PITPNM2: variants seen among roughly 807,000 people sequenced by gnomAD.
The protein encoded by PITPNM2 is membrane-associated phosphatidylinositol transfer protein 2.
In PITPNM2, 35 loss-of-function variants were observed where a neutral mutation model predicts 132.2. The observed-to-expected ratio is 0.26, with a 90% CI of 0.20 to 0.35. PITPNM2 has a LOEUF of 0.35. Ranked by LOEUF, PITPNM2 falls within the 10% of genes least tolerant of loss-of-function variation. The pLI, the probability that PITPNM2 is intolerant of heterozygous loss-of-function variation, is 1.00. For synonymous variants in PITPNM2, 738 were observed against 799.2 expected, an observed-to-expected ratio of 0.92 and a Z score of 1.29; for missense variants, 1,332 against 1,912.0, an observed-to-expected ratio of 0.70 and a Z score of 5.66.
At chr12:123,037,376 G>A (rs1454528852) in intron 2 of PITPNM2, among the ~76,000 whole-genome samples, 3 of 152,216 alleles carry the variant, frequency 2.0e-5, no homozygotes, top group African/African-American at 4.8e-5. Flanking sequence ...GCTTCTTCAC[G>A]TGGTTCTTCA....
intron 1 of PITPNM2, among the ~76,000 whole-genome samples, chr12:123,127,278 G>A (rs1470904242): frequency 6.6e-6 from 1 of 152,196 alleles, no homozygotes; most frequent in Admixed American, 6.5e-5. Context: ...TGGGAGTCCA[G>A]GTCGCAGGGG....
At chr12:123,035,732 A>G (rs1443334419) in intron 2 of PITPNM2, among the ~76,000 whole-genome samples, 1 of 151,934 alleles carries the variant, frequency 6.6e-6, no homozygotes. Context: ...AAATGAAATC[A>G]CCCCTTAAAA....
chr12:123,129,450 G>C (rs1378995897), intron 1 of PITPNM2, among the ~76,000 whole-genome samples: 1 of 150,070 alleles, frequency 6.7e-6, no homozygotes, highest in Non-Finnish European at 1.5e-5. Context: ...GGTGCCTGTA[G>C]TCTCAGCTAC....
chr12:123,034,276 T>C, intron 3 of PITPNM2: 1 of 515,890 alleles, frequency 1.9e-6, no homozygotes, highest in East Asian at 2.9e-5. Flanking sequence ...AGTGTTCGCG[T>C]TGTAGGCGGC....
chr12:123,136,289 G>A (rs1434117527), intron 1 of PITPNM2, among the ~76,000 whole-genome samples: 4 of 151,244 alleles, frequency 2.6e-5, no homozygotes, highest in East Asian at 3.9e-4. Context: ...GCAACAGAGC[G>A]AGACTCTGTC....
At chr12:123,046,525 C>A (rs1016712582) in intron 2 of PITPNM2, among the ~76,000 whole-genome samples, 4 of 152,140 alleles carry the variant, frequency 2.6e-5, no homozygotes, top group African/African-American at 9.7e-5. Context: ...AACCATCACC[C>A]CTATCTAATT....
chr12:123,137,143 G>T (rs997074202), intron 1 of PITPNM2, among the ~76,000 whole-genome samples: 1 of 152,144 alleles, frequency 6.6e-6, no homozygotes, highest in African/African-American at 2.4e-5. Flanking sequence ...CATCCTCCTG[G>T]ATTCATTTCC....
chr12:123,028,247 C>G (rs1450549871), intron 3 of PITPNM2, among the ~76,000 whole-genome samples: 2 of 152,216 alleles, frequency 1.3e-5, no homozygotes, highest in African/African-American at 2.4e-5. Flanking sequence ...GTTTTCTCAC[C>G]TTTAACACGG....
At chr12:123,021,324 G>C (rs2039663992) in intron 3 of PITPNM2, among the ~76,000 whole-genome samples, 1 of 152,124 alleles carries the variant, frequency 6.6e-6, no homozygotes, top group African/African-American at 2.4e-5. Flanking sequence ...CACCTGCTGA[G>C]AATTTCAGTT....
chr12:123,003,092 A>G (rs1230718779), intron 8 of PITPNM2, among the ~76,000 whole-genome samples: 1 of 152,210 alleles, frequency 6.6e-6, no homozygotes, highest in East Asian at 1.9e-4. Flanking sequence ...ACTAGAACTC[A>G]TTCCTCCTAT....
At chr12:123,016,708 C>T (rs2039440654) in intron 3 of PITPNM2, among the ~76,000 whole-genome samples, 1 of 152,216 alleles carries the variant, frequency 6.6e-6, no homozygotes, top group South Asian at 2.1e-4. Flanking sequence ...AACTGGAACC[C>T]TATTGGTGGG....
At chr12:123,044,477 T>C (rs185271943) in intron 2 of PITPNM2, among the ~76,000 whole-genome samples, 18 of 152,326 alleles carry the variant, frequency 1.2e-4, no homozygotes, top group African/African-American at 4.1e-4. Context: ...CTCAGCTCAA[T>C]CAATTCTCCA....
Position 123,117,199 on chromosome 12 carries a change from C to T in PITPNM2, c.-199-6711G>A, listed in dbSNP as rs2042950060. ...TGAGTCTTAGGAAGAGAGTAGTCTT[C>T]CACTCCCAATATCCCAATGGAGTGA... On this transcript the variant is annotated intron_variant, in intron 1 of 25. Coordinates refer to ENST00000320201, the MANE Select transcript of PITPNM2 (RefSeq NM_020845.3). The surrounding 1 kb of genome is among the most constrained non-coding windows in gnomAD (Gnocchi z 4.7). 6.6e-6 allele frequency among the ~76,000 whole-genome samples: 1 copy of T among 152,134 alleles called. No homozygotes were observed. The highest frequency in any genetic ancestry group is 2.1e-4 in the South Asian group (1 of 4,828).
At chr12:123,034,486 A>C in intron 3 of PITPNM2, 27 bp downstream of exon 3, 2 of 1,588,098 alleles carry the variant, frequency 1.3e-6, no homozygotes, top group African/African-American at 1.3e-5. Context: ...CCCTCACCCC[A>C]TGACCCACCC....
At chr12:123,067,453 TCACACACA>T (rs55716436) in intron 2 of PITPNM2, among the ~76,000 whole-genome samples, 2,874 of 136,700 alleles carry the variant, frequency 0.021, 41 homozygotes, top group Middle Eastern at 0.047. Flanking sequence ...TGAAACTCCA[TCACACACA>T]CACACACACA....
At chr12:123,047,650 C>A (rs1304421790) in intron 2 of PITPNM2, among the ~76,000 whole-genome samples, 3 of 152,138 alleles carry the variant, frequency 2.0e-5, no homozygotes, top group Admixed American at 2.0e-4. Flanking sequence ...CTCTTAGGGT[C>A]CAGGTTCTAT....
rs2038334719 is a variant in PITPNM2, at chr12:122,994,543, C to A, written c.2233+258G>T. 6.6e-6 allele frequency among the ~76,000 whole-genome samples: 1 copy of A among 152,186 alleles called. No individual in the cohort carries two copies. The highest frequency in any genetic ancestry group is 2.4e-5 in the African/African-American group (1 of 41,442). ...GGTGCCTTCTCTCCCTGGACCTCAG[C>A]TTGCCCATCTAGGGGTTGACCCTCA... On this transcript the variant is annotated intron_variant, in intron 15 of 25. Coordinates refer to ENST00000320201, the MANE Select transcript of PITPNM2 (RefSeq NM_020845.3). The surrounding 1 kb of genome is among the most constrained non-coding windows in gnomAD (Gnocchi z 5.4).
chr12:123,074,631 CCA>C lies in PITPNM2; in HGVS notation c.-96+35752_-96+35753del, dbSNP rs370209153. On this transcript the variant is annotated intron_variant, in intron 2 of 25. Transcript: ENST00000320201. Reference sequence around the variant, plus strand: ...CATGCCTACACATACACCCACCCACCCACACACACACACAAACACACACATAT... The same window carrying C: ...CATGCCTACACATACACCCACCCACCCACACACACACAAACACACACATAT... Among the ~76,000 whole-genome samples the C allele has an allele frequency of 1.8e-3, 274 of 151,208 alleles. 2 individuals are homozygous for C. Among genetic ancestry groups the C allele is most frequent in the African/African-American group, 6.4e-3 (266 of 41,272 alleles).
At chr12:123,069,974 G>A (rs1345694496) in intron 2 of PITPNM2, among the ~76,000 whole-genome samples, 1 of 152,174 alleles carries the variant, frequency 6.6e-6, no homozygotes. Context: ...CCAGCAGTGG[G>A]GCTCTGCACC....
Sources: gnomAD v4.1 joint callset for allele counts (sites outside exome capture counted in the v4.1 genomes callset) on GRCh38, gnomAD v4.1.1 for gene constraint, Gnocchi (gnomAD v3.1) non-coding constraint, MANE v1.5 for transcripts, NCBI Gene and HGNC (gene_info 2026-07-23, HGNC 2026-07-21) for gene names.